Variants in GRM8 observed in about 807,000 individuals in gnomAD.
GRM8 encodes the protein metabotropic glutamate receptor 8.
A neutral mutation model predicts 87.2 loss-of-function variants in GRM8; 47 were observed. The ratio of observed to expected loss-of-function variants is 0.54; its 90% CI spans 0.43 to 0.69. The LOEUF (loss-of-function observed/expected upper bound fraction) is 0.69, where lower values mean the gene tolerates loss of function less well. Among genes scored for constraint, GRM8 ranks in the 30% least tolerant of loss-of-function variants. The pLI is 0.00. For synonymous variants in GRM8, 396 were observed against 404.5 expected, an observed-to-expected ratio of 0.98 and a Z score of 0.25; for missense variants, 1,019 against 1,139.2, an observed-to-expected ratio of 0.89 and a Z score of 1.52.
intron 2 of GRM8, among the ~76,000 whole-genome samples, chr7:127,125,801 A>ACACACACAC (rs1563529799): frequency 1.5e-5 from 1 of 68,748 alleles, no homozygotes; most frequent in Non-Finnish European, 3.2e-5. Context: ...CACACACACA[A>ACACACACAC]ATAACTATTA....
chr7:126,778,346 T>C (rs1408870315), intron 6 of GRM8, among the ~76,000 whole-genome samples: 4 of 152,134 alleles, frequency 2.6e-5, no homozygotes, highest in Non-Finnish European at 5.9e-5. Context: ...AAATAGAAAG[T>C]GCTTCAGGCA....
chr7:126,803,435 C>T (rs1822959563), intron 6 of GRM8, among the ~76,000 whole-genome samples: 1 of 152,106 alleles, frequency 6.6e-6, no homozygotes, highest in African/African-American at 2.4e-5. Flanking sequence ...AACGTATATA[C>T]TTATATAGAA....
intron 8 of GRM8, among the ~76,000 whole-genome samples, chr7:126,547,337 G>A (rs1200901122): frequency 1.3e-5 from 2 of 151,788 alleles, no homozygotes; most frequent in African/African-American, 2.4e-5. Flanking sequence ...TGGAGAGGGA[G>A]GCATCTAAAG....
intron 7 of GRM8, among the ~76,000 whole-genome samples, chr7:126,768,384 G>T (rs929325298): frequency 2.7e-4 from 8 of 29,612 alleles, no homozygotes; most frequent in African/African-American, 1.0e-3. Context: ...AAAAAAAAGT[G>T]GACAGAACTC....
At chr7:127,040,085 AGGG>A (rs1818280878) in intron 3 of GRM8, among the ~76,000 whole-genome samples, 1 of 1,802 alleles carries the variant, frequency 5.5e-4, no homozygotes, top group Non-Finnish European at 1.1e-3. Context: ...GTGGGGGAGG[AGGG>A]AGGGGAGGAG....
chr7:127,099,273 CG>C (rs1050099379), intron 3 of GRM8, among the ~76,000 whole-genome samples: 1 of 152,066 alleles, frequency 6.6e-6, no homozygotes. Flanking sequence ...TTGTGTAACA[CG>C]TAGGTCTTAA....
chr7:126,884,009 T>C (rs545981222), intron 6 of GRM8, among the ~76,000 whole-genome samples: 74 of 152,222 alleles, frequency 4.9e-4, no homozygotes, highest in Non-Finnish European at 6.3e-4. Context: ...TTATTAAGGG[T>C]GAATAATAGT....
chr7:126,580,479 T>C (rs1443275172), intron 8 of GRM8, among the ~76,000 whole-genome samples: 1 of 152,144 alleles, frequency 6.6e-6, no homozygotes, highest in African/African-American at 2.4e-5. Context: ...CTCTTTCTTC[T>C]GCATTCTCGT....
At chr7:126,499,014 T>C (rs1031532017) in intron 9 of GRM8, among the ~76,000 whole-genome samples, 6 of 151,970 alleles carry the variant, frequency 3.9e-5, no homozygotes, top group Non-Finnish European at 7.4e-5. Flanking sequence ...TTTTTAAAAA[T>C]TCCTGGGAGA....
chr7:126,968,024 T>C (rs1313002124), intron 3 of GRM8, among the ~76,000 whole-genome samples: 1 of 152,202 alleles, frequency 6.6e-6, no homozygotes, highest in Admixed American at 6.5e-5. Flanking sequence ...CACCTATAAA[T>C]GTACACGATA....
intron 7 of GRM8, among the ~76,000 whole-genome samples, chr7:126,631,918 C>T (rs1339984047): frequency 6.6e-6 from 1 of 152,144 alleles, no homozygotes. Flanking sequence ...AAACCCAAAA[C>T]TATAAATCCC....
At chr7:127,017,331 C>A (rs1815785694) in intron 3 of GRM8, among the ~76,000 whole-genome samples, 1 of 151,942 alleles carries the variant, frequency 6.6e-6, no homozygotes. Flanking sequence ...AATGAGTGTA[C>A]TGCTTGATGG....
At chr7:126,705,235 T>G (rs1251899408) in intron 7 of GRM8, among the ~76,000 whole-genome samples, 1 of 152,152 alleles carries the variant, frequency 6.6e-6, no homozygotes, top group Non-Finnish European at 1.5e-5. Context: ...AATTACTATC[T>G]GGAAAGCTGA....
At chr7:126,947,611 A>G (rs1285589236) in intron 3 of GRM8, among the ~76,000 whole-genome samples, 1 of 152,064 alleles carries the variant, frequency 6.6e-6, no homozygotes, top group Non-Finnish European at 1.5e-5. Flanking sequence ...TGAAGTAAAG[A>G]GGCTATTGGA....
chr7:126,706,256 CA>C (rs1328368515), intron 7 of GRM8, among the ~76,000 whole-genome samples: 1 of 152,036 alleles, frequency 6.6e-6, no homozygotes, highest in African/African-American at 2.4e-5. Context: ...ATAATAAATA[CA>C]ATTTGATATA....
intron 3 of GRM8, among the ~76,000 whole-genome samples, chr7:126,918,959 A>T (rs937637295): frequency 1.3e-5 from 2 of 152,192 alleles, no homozygotes; most frequent in Admixed American, 1.3e-4. Context: ...CTGTGATATA[A>T]TTTCCACAAT....
At chr7:126,511,985 C>T (rs1038170534) in intron 9 of GRM8, 2 of 151,962 alleles carry the variant, frequency 1.3e-5, no homozygotes, top group South Asian at 2.1e-4. Flanking sequence ...GAGAATTAGC[C>T]GGTGTAGGAA....
chr7:126,851,637 G>T (rs1797223144), intron 6 of GRM8, among the ~76,000 whole-genome samples: 1 of 151,842 alleles, frequency 6.6e-6, no homozygotes, highest in African/African-American at 2.4e-5. Context: ...GACTGTTCAG[G>T]GCCTTTGCAA....
chr7:127,220,767 G>A (rs1174697650), intron 2 of GRM8, among the ~76,000 whole-genome samples: 2 of 152,202 alleles, frequency 1.3e-5, no homozygotes, highest in Non-Finnish European at 2.9e-5. Flanking sequence ...GGGATTACAG[G>A]TGTCAGCCAC....
Sources: allele counts gnomAD v4.1 joint callset (sites outside exome capture counted in the v4.1 genomes callset), GRCh38; gene constraint gnomAD v4.1.1; transcripts MANE v1.5; gene names NCBI Gene and HGNC (gene_info 2026-07-23, HGNC 2026-07-21).